The following NRK variants were observed in gnomAD, a reference collection of about 807,000 sequenced individuals.
NRK encodes nik-related protein kinase.
A neutral mutation model predicts 125.2 loss-of-function variants in NRK; 67 were observed. That is an observed-to-expected ratio of 0.54 (90% CI 0.44 to 0.66). The LOEUF is 0.66. Among genes scored for constraint, NRK ranks in the 30% least tolerant of loss-of-function variants. The probability of loss-of-function intolerance (pLI) is 0.00; values close to 1 mark genes in which losing one functional copy is unlikely to be tolerated. For synonymous variants in NRK, 458 were observed against 429.0 expected (o/e 1.07, Z -0.84); for missense variants, 1,224 against 1,192.9 (o/e 1.03, Z -0.38).
At chrX:105,900,589 T>G (rs780012162) in intron 8 of NRK, 29 bp from the exon 9 acceptor site, 7 of 1,105,463 alleles carry the variant, frequency 6.3e-6, no homozygotes, top group Admixed American at 2.3e-5. Flanking sequence ...TATTTTTAAG[T>G]GACTTTTTTG....
At chrX:105,870,001 A>G (rs893652630) in intron 2 of NRK, among the ~76,000 whole-genome samples, 3 of 111,780 alleles carry the variant, frequency 2.7e-5, no homozygotes, top group African/African-American at 9.8e-5. Flanking sequence ...TGCTCTTGCC[A>G]TACCCTCACC....
At chrX:105,858,604 AT>A (rs1183283893) in intron 2 of NRK, among the ~76,000 whole-genome samples, 1 of 110,844 alleles carries the variant, frequency 9.0e-6, no homozygotes, top group African/African-American at 3.3e-5. Context: ...CCTTTCTGGA[AT>A]TTGTTTCTGC....
chrX:105,885,844 T>G (rs1436247288), intron 4 of NRK, among the ~76,000 whole-genome samples: 1 of 112,131 alleles, frequency 8.9e-6, no homozygotes, highest in Non-Finnish European at 1.9e-5. Context: ...AGAATTTTTT[T>G]CAAAGATTTC....
Position 105,822,612 on chromosome X carries a change from C to A in NRK, c.-234C>A, listed in dbSNP as rs2039035672. 21 of 442,004 alleles carry A rather than the reference C, an allele frequency of 4.8e-5. No homozygotes were observed. The South Asian group carries it at 5.8e-4, about 12-fold the overall frequency. The allele number at this position is 442,004 out of a possible 1,213,427, so 36.4% of individuals were successfully genotyped here. ...AGGACTGACGCTCAGGCTCCTCTCT[C>A]GCCTTAGCCCAACTTGCTTTCCCGC... is the stretch of plus-strand genomic sequence containing the variant. On this transcript the variant is annotated 5_prime_UTR_variant, in exon 1 of 29. Coordinates refer to ENST00000243300, the MANE Select transcript of NRK (RefSeq NM_198465.4).
intron 10 of NRK, 136 bp downstream of exon 10, chrX:105,905,479 T>C (rs2040208739): frequency 2.0e-6 from 1 of 500,675 alleles, no homozygotes; most frequent in African/African-American, 2.3e-5. Flanking sequence ...ATATCTTAAC[T>C]GGGAGGTCTA....
intron 8 of NRK, 86 bp downstream of exon 8, chrX:105,898,800 A>G: frequency 1.2e-6 from 1 of 802,987 alleles, no homozygotes; most frequent in East Asian, 3.8e-5. Flanking sequence ...AACAAAAAAT[A>G]AAAAGCAGGC....
chrX:105,831,239 A>G lies in NRK; in HGVS notation c.123+120A>G, dbSNP rs1485939811. 7 of 477,848 alleles carry G rather than the reference A, an allele frequency of 1.5e-5. No individual in the cohort carries two copies. The Admixed American group carries it at 2.6e-4, about 18-fold the overall frequency. The allele number at this position is 477,848 out of a possible 1,213,427, so 39.4% of individuals were successfully genotyped here. A position where few individuals can be genotyped will look rare whatever the true frequency, so the allele number is the denominator to read the frequency against. ...GCATTTCACTTTGAGAGAGAAATCA[A>G]ATTAGATAGCCCAGTGACACCTGTA... On this transcript the variant is annotated intron_variant, in intron 2 of 28. Coordinates refer to ENST00000243300, the MANE Select transcript of NRK (RefSeq NM_198465.4).
At chrX:105,908,388 A>C (rs1266451850) in intron 12 of NRK, 85 bp downstream of exon 12, 1 of 490,340 alleles carries the variant, frequency 2.0e-6, no homozygotes, top group Non-Finnish European at 3.2e-6. Context: ...TTGGTTCAGA[A>C]AGACTTAATT....
At chrX:105,915,888 C>G in intron 15 of NRK, 91 bp downstream of exon 15, 1 of 483,434 alleles carries the variant, frequency 2.1e-6, no homozygotes, top group Non-Finnish European at 3.6e-6. Flanking sequence ...TTTGTGAAGT[C>G]AACTAAAATA....
chrX:105,893,211 C>A (rs1216774553), intron 5 of NRK, among the ~76,000 whole-genome samples: 1 of 111,482 alleles, frequency 9.0e-6, no homozygotes, highest in Non-Finnish European at 1.9e-5. Context: ...ATAGGTTTTC[C>A]TTAGTAGCAA....
chrX:105,895,276 C>T, intron 6 of NRK, 157 bp from the exon 7 acceptor site: 1 of 540,783 alleles, frequency 1.8e-6, no homozygotes, highest in Admixed American at 2.5e-5. Flanking sequence ...GTAGTGATTC[C>T]AGCCTAAAGA....
chrX:105,909,443 C>T lies in NRK; in HGVS notation c.1802C>T (p.Pro601Leu), dbSNP rs1339607904. ...TCACAAGATCACCATGTGCTGTTGCCACTACATTTGGATACTCAGGTGCTC... is the reference window on the plus strand; with the variant it reads ...TCACAAGATCACCATGTGCTGTTGCTACTACATTTGGATACTCAGGTGCTC... ...LLSQDHHVLLPLHLDTQVLIP... is the reference protein window; with the variant it reads ...LLSQDHHVLLLLHLDTQVLIP... The change falls in exon 13 of 29, where the codon CCA becomes CTA. Residue 601 changes from proline to leucine, a missense_variant. Transcript: ENST00000243300. The T allele has an allele frequency of 2.5e-6, 3 of 1,208,992 alleles. No homozygotes were observed. Among genetic ancestry groups the T allele is most frequent in the Non-Finnish European group, 3.4e-6 (3 of 893,706 alleles).
At position 105,945,983 on chromosome X, in the gene NRK, C is replaced by A. The variant is rs781184339; in HGVS notation, c.4171C>A (p.Pro1391Thr). The A allele has an allele frequency of 1.7e-6, 2 of 1,209,808 alleles. No homozygotes were observed. The highest frequency in any genetic ancestry group is 3.5e-5 in the South Asian group (2 of 56,711). The change falls in exon 25 of 29, where the codon CCA (proline) becomes ACA (threonine). Residue 1391 changes from proline (P) to threonine (T), a missense_variant. Coordinates refer to ENST00000243300, the MANE Select transcript of NRK (RefSeq NM_198465.4). ...AADPVNRFKR[P>T]DELLHLLKLK... ...TGATCCAGTGAACCGGTTTAAGAGA[C>A]CAGATGAGCTCCTTCATTTGCTGAA... is the stretch of plus-strand genomic sequence containing the variant.
In NRK at chrX:105,909,890, T is replaced by A. The variant is rs1181248136; in HGVS notation, c.2241+8T>A. The A allele has an allele frequency of 3.6e-6, 4 of 1,103,838 alleles. No homozygotes were observed. The Admixed American group carries it at 1.4e-4, about 38-fold the overall frequency. 91.0% of individuals were successfully genotyped at this position (1,103,838 alleles called of 1,213,427 possible). ...TTGAGACAAGTTGATAAAGTAAGAA[T>A]TTTTGATATTTTTACTCTGAGTCAA... is the stretch of plus-strand genomic sequence containing the variant. On this transcript the variant is annotated splice_region_variant and intron_variant, in intron 13 of 28. Transcript: ENST00000243300.
At chrX:105,889,702 A>G (rs1391694971) in intron 5 of NRK, among the ~76,000 whole-genome samples, 2 of 112,613 alleles carry the variant, frequency 1.8e-5, no homozygotes, top group African/African-American at 6.5e-5. Flanking sequence ...GTAAGCTGCC[A>G]AGACTTGGGG....
intron 16 of NRK, among the ~76,000 whole-genome samples, chrX:105,919,852 G>A (rs377348029): frequency 1.2e-4 from 13 of 110,717 alleles, no homozygotes; most frequent in East Asian, 8.5e-4. Flanking sequence ...TTGCCTATTC[G>A]CTCTGATGGT....
chrX:105,871,024 C>G (rs2039739566), intron 2 of NRK, among the ~76,000 whole-genome samples: 1 of 111,762 alleles, frequency 8.9e-6, no homozygotes, highest in African/African-American at 3.3e-5. Context: ...AGAGCTAGCT[C>G]TCACTATCAC....
At chrX:105,835,012 G>A (rs1462657697) in intron 2 of NRK, among the ~76,000 whole-genome samples, 5 of 111,619 alleles carry the variant, frequency 4.5e-5, no homozygotes, top group African/African-American at 6.5e-5. Flanking sequence ...AGTCATCTCT[G>A]AGAGGCTGGT....
intron 1 of NRK, among the ~76,000 whole-genome samples, chrX:105,827,244 A>G (rs1231510359): frequency 9.0e-6 from 1 of 111,578 alleles, no homozygotes. Flanking sequence ...CTCTTTTCAT[A>G]AAATTGCTGT....
Sources: allele counts gnomAD v4.1 joint callset (sites outside exome capture counted in the v4.1 genomes callset), GRCh38; gene constraint gnomAD v4.1.1; transcripts MANE v1.5; gene names NCBI Gene and HGNC (gene_info 2026-07-23, HGNC 2026-07-21).